The following PHF24 variants were observed in gnomAD, a reference collection of about 807,000 sequenced individuals.
PHF24 encodes PHD finger protein 24.
In PHF24, 25 loss-of-function variants were observed where a neutral mutation model predicts 42.6. The observed-to-expected ratio is 0.59, with a 90% CI of 0.43 to 0.82. The LOEUF is 0.82. PHF24 is among the 40% of genes least tolerant of loss of function. The pLI is 0.00. For missense variants in PHF24, 470 were observed against 538.1 expected, an observed-to-expected ratio of 0.87 and a Z score of 1.25; for synonymous variants, 185 against 204.8, an observed-to-expected ratio of 0.90 and a Z score of 0.83.
chr9:34,926,452 G>A, the PHF24 span, among the ~76,000 whole-genome samples: 1 of 152,156 alleles, frequency 6.6e-6, no homozygotes, highest in African/African-American at 2.4e-5. The surrounding 1 kb of genome is among the most constrained non-coding windows in gnomAD (Gnocchi z 4.3). Flanking sequence ...CACCTGATGG[G>A]GTGATTCATG....
At chr9:34,868,921 T>C in the PHF24 span, among the ~76,000 whole-genome samples, 4 of 152,178 alleles carry the variant, frequency 2.6e-5, no homozygotes, top group East Asian at 5.8e-4. Context: ...CAGCCCTGCA[T>C]GACAGGCCCC....
the PHF24 span, among the ~76,000 whole-genome samples, chr9:34,814,532 G>A: frequency 6.6e-6 from 1 of 152,272 alleles, no homozygotes; most frequent in African/African-American, 2.4e-5. Context: ...GCATGTGCAG[G>A]CATCTATCAT....
chr9:34,687,551 G>A, the PHF24 span, among the ~76,000 whole-genome samples: 2 of 152,174 alleles, frequency 1.3e-5, no homozygotes, highest in African/African-American at 4.8e-5. Flanking sequence ...GTGAATTCAG[G>A]ATTTGCTCTG....
At chr9:34,709,869 G>A in the PHF24 span, 6 of 1,614,226 alleles carry the variant, frequency 3.7e-6, no homozygotes, top group Non-Finnish European at 5.1e-6. Flanking sequence ...TGTACTTGAG[G>A]CAACAGTCCT....
the PHF24 span, among the ~76,000 whole-genome samples, chr9:34,900,506 G>T: frequency 2.6e-5 from 4 of 152,180 alleles, no homozygotes; most frequent in African/African-American, 9.7e-5. Context: ...GGCTGAGGTG[G>T]GAGGATTGCT....
chr9:34,729,874 T>C, the PHF24 span, among the ~76,000 whole-genome samples: 1 of 152,112 alleles, frequency 6.6e-6, no homozygotes, highest in Non-Finnish European at 1.5e-5. Flanking sequence ...GAAACACACA[T>C]GAATTTAGGG....
chr9:34,907,140 G>C, the PHF24 span, among the ~76,000 whole-genome samples: 1 of 152,158 alleles, frequency 6.6e-6, no homozygotes, highest in African/African-American at 2.4e-5. Flanking sequence ...TTTTTCATCT[G>C]TTCTGCTGAT....
At chr9:34,847,453 A>T in the PHF24 span, among the ~76,000 whole-genome samples, 5 of 151,978 alleles carry the variant, frequency 3.3e-5, no homozygotes, top group African/African-American at 1.2e-4. Context: ...TTGATTTTGT[A>T]TCCTGAGACT....
At chr9:34,971,029 T>G (rs931810107) in intron 1 of PHF24, among the ~76,000 whole-genome samples, 1 of 152,062 alleles carries the variant, frequency 6.6e-6, no homozygotes, top group African/African-American at 2.4e-5. Flanking sequence ...ACCAAGGGAA[T>G]CACTAAAGCC....
the PHF24 span, among the ~76,000 whole-genome samples, chr9:34,715,241 G>A: frequency 2.6e-5 from 4 of 152,150 alleles, no homozygotes; most frequent in Non-Finnish European, 5.9e-5. Flanking sequence ...GTCTGTGAGT[G>A]GACCTGGTGG....
the PHF24 span, among the ~76,000 whole-genome samples, chr9:34,809,045 AAAAATAAT>A: frequency 7.0e-6 from 1 of 143,264 alleles, no homozygotes; most frequent in Admixed American, 6.8e-5. The surrounding 1 kb of genome is among the most constrained non-coding windows in gnomAD (Gnocchi z 4.1). Flanking sequence ...AATAAAAAAA[AAAAATAAT>A]AAATAAATAA....
chr9:34,828,085 C>T, the PHF24 span, among the ~76,000 whole-genome samples: 5 of 151,986 alleles, frequency 3.3e-5, no homozygotes, highest in African/African-American at 4.8e-5. Context: ...GAATCCCTCT[C>T]TACCTCCTGC....
rs768816969 is a variant in PHF24, at chr9:34,976,270, G to C, written c.643+40G>C. 16 of 1,516,040 alleles carry C rather than the reference G, an allele frequency of 1.1e-5. No homozygotes were observed. In the African/African-American group the frequency reaches 2.1e-4, roughly 19 times the overall value. The allele number at this position is 1,516,040 out of a possible 1,614,324, so 93.9% of individuals were successfully genotyped here. A position where few individuals can be genotyped will look rare whatever the true frequency, so the allele number is the denominator to read the frequency against. Reference sequence around the variant, plus strand: ...TGCTGCATGGATGGAGAGGGGCCGGGCAGATTTCTCCTTCAGGCTTTCTAG... The same window carrying C: ...TGCTGCATGGATGGAGAGGGGCCGGCCAGATTTCTCCTTCAGGCTTTCTAG... On this transcript the variant is annotated intron_variant, in intron 4 of 7. Coordinates refer to ENST00000242315, the Ensembl canonical transcript of PHF24.
chr9:34,708,245 G>A, the PHF24 span, among the ~76,000 whole-genome samples: 1 of 152,076 alleles, frequency 6.6e-6, no homozygotes, highest in South Asian at 2.1e-4. Flanking sequence ...CTGAAAACCT[G>A]CCCCAGGAGA....
chr9:34,788,173 G>A, the PHF24 span, among the ~76,000 whole-genome samples: 1 of 152,040 alleles, frequency 6.6e-6, no homozygotes, highest in African/African-American at 2.4e-5. Context: ...GAGTAGCTGG[G>A]ACTACAGGTG....
the PHF24 span, among the ~76,000 whole-genome samples, chr9:34,950,175 C>T: frequency 6.6e-6 from 1 of 151,686 alleles, no homozygotes; most frequent in Non-Finnish European, 1.5e-5. Context: ...TGGTGAAACC[C>T]CGTCTCTACT....
At chr9:34,812,025 C>T in the PHF24 span, among the ~76,000 whole-genome samples, 228 of 152,292 alleles carry the variant, frequency 1.5e-3, 3 homozygotes, top group East Asian at 0.012. Context: ...ACGACCAATA[C>T]GCACATTAAA....
At chr9:34,949,864 G>T in the PHF24 span, among the ~76,000 whole-genome samples, 3 of 151,884 alleles carry the variant, frequency 2.0e-5, no homozygotes, top group African/African-American at 7.3e-5. Context: ...AGGGGGAAAG[G>T]GGTGGGAGAG....
At chr9:34,667,711 A>G in the PHF24 span, among the ~76,000 whole-genome samples, 1 of 152,196 alleles carries the variant, frequency 6.6e-6, no homozygotes, top group Non-Finnish European at 1.5e-5. Context: ...TTTCCTTGGC[A>G]GAGGTCTTCC....
Sources: allele counts gnomAD v4.1 joint callset (sites outside exome capture counted in the v4.1 genomes callset), GRCh38; gene constraint gnomAD v4.1.1; non-coding constraint Gnocchi (gnomAD v3.1); transcripts MANE v1.5; gene names NCBI Gene and HGNC (gene_info 2026-07-23, HGNC 2026-07-21).